PSG3: variants seen among roughly 807,000 people sequenced by gnomAD.
The protein encoded by PSG3 is pregnancy specific beta-1-glycoprotein 3, also known as pregnancy-specific beta-1-glycoprotein 3.
PSG3 carries 61 observed loss-of-function variants against 47.5 expected under a neutral mutation model. That is an observed-to-expected ratio of 1.28 (90% confidence interval 1.05 to 1.59). PSG3 has a LOEUF of 1.59. Ranked by LOEUF, PSG3 falls within the 40% of genes most tolerant of loss-of-function variation. The pLI is 0.00. For missense variants in PSG3, 756 were observed against 524.0 expected, an observed-to-expected ratio of 1.44 and a Z score of -4.32; for synonymous variants, 263 against 198.4, an observed-to-expected ratio of 1.33 and a Z score of -2.74.
rs776169564 is a variant in PSG3, at chr19:42,740,358, G to A, written c.27C>T (p.Cys9=). 9.9e-6 allele frequency: 16 copies of A among 1,614,008 alleles called. 1 individual carries two copies. The highest frequency in any genetic ancestry group is 3.3e-4 in the Middle Eastern group (2 of 6,058). Residue 9 remains cysteine (C), a synonymous_variant, in exon 1 of 7, where the codon TGC becomes TGT. Transcript: ENST00000327495. ...GCCCCTTCCAGGTGATGCGCTGTGT[G>A]CAGGGAGGGGCTGAGAGGGGCCCCA... The part of the protein sequence containing the change: MGPLSAPP[C]TQRITWKGLL...
intron 2 of PSG3, among the ~76,000 whole-genome samples, chr19:42,735,556 C>G (rs574630455): frequency 5.9e-5 from 9 of 152,016 alleles, no homozygotes; most frequent in Non-Finnish European, 1.3e-4. Flanking sequence ...TTAGTAGAGA[C>G]GGGGTTTCAC....
chr19:42,726,211 G>A (rs1284849465), intron 5 of PSG3, among the ~76,000 whole-genome samples: 1 of 152,148 alleles, frequency 6.6e-6, no homozygotes, highest in Non-Finnish European at 1.5e-5. Flanking sequence ...AAGACTGAAA[G>A]CTTTCCCTGT....
intron 6 of PSG3, among the ~76,000 whole-genome samples, chr19:42,723,257 T>C (rs1161050373): frequency 6.6e-6 from 1 of 152,170 alleles, no homozygotes; most frequent in Non-Finnish European, 1.5e-5. Flanking sequence ...AGATGTTGCT[T>C]GTGATGAAGG....
intron 1 of PSG3, among the ~76,000 whole-genome samples, chr19:42,740,094 T>A (rs1330444835): frequency 5.9e-5 from 9 of 151,994 alleles, no homozygotes; most frequent in African/African-American, 9.7e-5. Context: ...CTAGGATTAC[T>A]GGAGCACACC....
In PSG3 at chr19:42,737,668, C is replaced by G. The variant is rs764229379; in HGVS notation, c.430+1056G>C. Among the ~76,000 whole-genome samples the G allele has an allele frequency of 1.1e-4, 16 of 152,148 alleles. 1 individual carries two copies. The highest frequency in any genetic ancestry group is 1.4e-4 in the African/African-American group (6 of 41,434). ...AGAGAGGATTTGAGCCAATAAATGACTATAGGGTGATTGGAACCCAGTAAG... is the reference window on the plus strand; with the variant it reads ...AGAGAGGATTTGAGCCAATAAATGAGTATAGGGTGATTGGAACCCAGTAAG... On this transcript the variant is annotated intron_variant, in intron 2 of 6. Coordinates refer to ENST00000327495, the MANE Select transcript of PSG3 (RefSeq NM_021016.4).
At chr19:42,726,196 G>A (rs1049901105) in intron 5 of PSG3, among the ~76,000 whole-genome samples, 2 of 152,080 alleles carry the variant, frequency 1.3e-5, no homozygotes, top group Non-Finnish European at 2.9e-5. Context: ...CATACTCAAC[G>A]GAGAAAGACT....
chr19:42,726,822 G>A (rs992052729), intron 5 of PSG3, among the ~76,000 whole-genome samples: 1 of 152,142 alleles, frequency 6.6e-6, no homozygotes, highest in African/African-American at 2.4e-5. Flanking sequence ...ACTCTAAATA[G>A]ACACACAGCT....
chr19:42,723,194 T>C lies in PSG3; in HGVS notation c.*40+748A>G, dbSNP rs147463130. Reference sequence around the variant, plus strand: ...GATCTCAACCACACATAGGTTGTGTTCTGAGTCTCAGGTTCACATGTTAAT... The same window carrying C: ...GATCTCAACCACACATAGGTTGTGTCCTGAGTCTCAGGTTCACATGTTAAT... On this transcript the variant is annotated intron_variant, in intron 6 of 6. Coordinates refer to ENST00000327495, the MANE Select transcript of PSG3 (RefSeq NM_021016.4). Among the ~76,000 whole-genome samples the C allele has an allele frequency of 1.1e-3, 172 of 152,354 alleles. 1 individual carries two copies. Among genetic ancestry groups the C allele is most frequent in the African/African-American group, 3.9e-3 (161 of 41,586 alleles).
At chr19:42,730,443 C>T (rs1969454846) in intron 3 of PSG3, among the ~76,000 whole-genome samples, 1 of 152,172 alleles carries the variant, frequency 6.6e-6, no homozygotes, top group African/African-American at 2.4e-5. Context: ...CCTACTTTGC[C>T]CCCATAGATG....
rs967965857 is a variant in PSG3 at position 42,730,163 on chromosome 19, C to T, written c.710-107G>A. On this transcript the variant is annotated intron_variant, in intron 3 of 6. Transcript: ENST00000327495. ...TCCCACCTCTCAGCCCACCCGAGTC[C>T]TTGAAAGCCAATAGCTGGTGCGTGT... 14 of 1,541,770 alleles carry T rather than the reference C, an allele frequency of 9.1e-6. No homozygotes were observed. The Admixed American group carries it at 2.3e-4, about 25-fold the overall frequency.
intron 5 of PSG3, among the ~76,000 whole-genome samples, chr19:42,728,717 C>T (rs944324992): frequency 2.0e-5 from 3 of 152,218 alleles, no homozygotes; most frequent in Non-Finnish European, 2.9e-5. Context: ...GGAAAAGTGT[C>T]AGCTTGTTTC....
chr19:42,727,469 C>T (rs556670842), intron 5 of PSG3, among the ~76,000 whole-genome samples: 89 of 152,260 alleles, frequency 5.8e-4, no homozygotes, highest in African/African-American at 1.9e-3. Context: ...GAGTTTTCTC[C>T]AAGGAAGATA....
intron 2 of PSG3, among the ~76,000 whole-genome samples, chr19:42,736,650 GT>G (rs1969568549): frequency 6.7e-6 from 1 of 150,030 alleles, no homozygotes; most frequent in African/African-American, 2.4e-5. Flanking sequence ...GTGTGTGTGT[GT>G]GTGTGTGTGC....
At chr19:42,731,156 T>G (rs1377852152) in intron 3 of PSG3, among the ~76,000 whole-genome samples, 5 of 152,110 alleles carry the variant, frequency 3.3e-5, no homozygotes, top group Admixed American at 3.3e-4. Flanking sequence ...TTATTCAAGG[T>G]GGGGAGGTTC....
At chr19:42,725,114 G>A (rs944021508) in intron 5 of PSG3, among the ~76,000 whole-genome samples, 1 of 152,120 alleles carries the variant, frequency 6.6e-6, no homozygotes, top group African/African-American at 2.4e-5. Context: ...TGACCTCTAG[G>A]CTAATGATGA....
intron 4 of PSG3, 82 bp from the exon 5 acceptor site, chr19:42,729,459 C>A: frequency 1.3e-6 from 2 of 1,543,272 alleles, no homozygotes; most frequent in Non-Finnish European, 1.7e-6. Context: ...ACACAGTGAC[C>A]CTCTGAGCCA....
intron 1 of PSG3, 106 bp from the exon 2 acceptor site, chr19:42,739,195 G>A: frequency 1.4e-6 from 2 of 1,388,266 alleles, no homozygotes; most frequent in Non-Finnish European, 2.0e-6. Context: ...GCTTTGAAGA[G>A]ACACACACAC....
chr19:42,734,612 T>G (rs1314888182), intron 2 of PSG3, among the ~76,000 whole-genome samples: 1 of 152,192 alleles, frequency 6.6e-6, no homozygotes, highest in East Asian at 1.9e-4. Context: ...GTATTTCTCT[T>G]GAGACCAAAA....
intron 5 of PSG3, among the ~76,000 whole-genome samples, chr19:42,728,755 T>C (rs1287965581): frequency 2.0e-5 from 3 of 152,168 alleles, no homozygotes; most frequent in Non-Finnish European, 4.4e-5. Flanking sequence ...TTGTAGCTCA[T>C]AGAATAGGTA....
Sources: allele counts gnomAD v4.1 joint callset (sites outside exome capture counted in the v4.1 genomes callset), GRCh38; gene constraint gnomAD v4.1.1; transcripts MANE v1.5; gene names NCBI Gene and HGNC (gene_info 2026-07-23, HGNC 2026-07-21).